Variants in CPPED1 observed in about 807,000 individuals in gnomAD.
CPPED1 encodes the protein calcineurin like phosphoesterase domain containing 1.
A neutral mutation model predicts 28.0 loss-of-function variants in CPPED1; 28 were observed. The observed-to-expected ratio is 1.00, with a 90% CI of 0.74 to 1.37. The LOEUF (loss-of-function observed/expected upper bound fraction) is 1.37, where lower values mean the gene tolerates loss of function less well. Among genes scored for constraint, CPPED1 ranks in the 40% most tolerant of loss-of-function variants. CPPED1 has a pLI of 0.00. For synonymous variants in CPPED1, 198 were observed against 180.2 expected, an observed-to-expected ratio of 1.10 and a Z score of -0.79; for missense variants, 504 against 416.5, an observed-to-expected ratio of 1.21 and a Z score of -1.83.
intron 1 of CPPED1, among the ~76,000 whole-genome samples, chr16:12,796,933 C>A (rs144667639): frequency 1.3e-5 from 2 of 152,062 alleles, no homozygotes; most frequent in Non-Finnish European, 2.9e-5. Flanking sequence ...TAAAAAGGAA[C>A]AAAGTATTGG....
chr16:12,679,296 T>C (rs1245668246), intron 3 of CPPED1, among the ~76,000 whole-genome samples: 1 of 152,234 alleles, frequency 6.6e-6, no homozygotes, highest in Admixed American at 6.5e-5. Flanking sequence ...GATATTCTTT[T>C]TACTATTCCT....
intron 3 of CPPED1, among the ~76,000 whole-genome samples, chr16:12,667,263 A>T (rs1254074792): frequency 6.6e-6 from 1 of 152,234 alleles, no homozygotes; most frequent in Non-Finnish European, 1.5e-5. Flanking sequence ...GATGAAATTA[A>T]TTATTTAAGA....
rs2079814077 is a variant in CPPED1, at chr16:12,664,538, G to C, written c.*348C>G. ...TACTTGGCTGTCAGATTGGAATTGAGGTCGATAGGCAGACTTTGACCATAT... is the reference window on the plus strand; with the variant it reads ...TACTTGGCTGTCAGATTGGAATTGACGTCGATAGGCAGACTTTGACCATAT... On this transcript the variant is annotated 3_prime_UTR_variant, in exon 4 of 4. Coordinates refer to ENST00000381774, the MANE Select transcript of CPPED1 (RefSeq NM_018340.3). The surrounding 1 kb of genome is among the most constrained non-coding windows in gnomAD (Gnocchi z 4.2). The C allele has an allele frequency of 6.5e-6, 7 of 1,082,260 alleles. No homozygotes were observed. Among genetic ancestry groups the C allele is most frequent in the Non-Finnish European group, 7.8e-6 (7 of 892,074 alleles). 67.0% of individuals were successfully genotyped at this position (1,082,260 alleles called of 1,614,324 possible). A position where few individuals can be genotyped will look rare whatever the true frequency, so the allele number is the denominator to read the frequency against.
At chr16:12,752,951 G>A (rs528325253) in intron 2 of CPPED1, 12 of 150,572 alleles carry the variant, frequency 8.0e-5, no homozygotes, top group Non-Finnish European at 1.8e-4. Context: ...ATCTATTTCC[G>A]CCTCTCTAGC....
intron 2 of CPPED1, among the ~76,000 whole-genome samples, chr16:12,717,833 G>C (rs2080115601): frequency 6.6e-6 from 1 of 151,878 alleles, no homozygotes; most frequent in African/African-American, 2.4e-5. Context: ...GTAGAGGCAG[G>C]GTTTCACCAT....
intron 1 of CPPED1, among the ~76,000 whole-genome samples, chr16:12,793,379 T>C (rs2080608062): frequency 1.3e-5 from 2 of 152,102 alleles, no homozygotes; most frequent in South Asian, 4.1e-4. Flanking sequence ...GAGGCGGGGA[T>C]AGACCATGCT....
At chr16:12,778,110 A>G (rs2141236863) in intron 2 of CPPED1, among the ~76,000 whole-genome samples, 1 of 151,816 alleles carries the variant, frequency 6.6e-6, no homozygotes, top group South Asian at 2.1e-4. Flanking sequence ...GGGTTTCACC[A>G]TGTTGGCCAG....
At chr16:12,688,330 A>ATT (rs762320027) in intron 3 of CPPED1, among the ~76,000 whole-genome samples, 1,792 of 130,374 alleles carry the variant, frequency 0.014, 44 homozygotes, top group African/African-American at 0.05. Context: ...CTACTCCAGG[A>ATT]TTTTTTTTTT....
chr16:12,729,958 CTCA>C (rs1221977605), intron 2 of CPPED1, among the ~76,000 whole-genome samples: 3 of 152,096 alleles, frequency 2.0e-5, no homozygotes, highest in African/African-American at 7.2e-5. Context: ...ACCTCCTGGG[CTCA>C]AGTTATCCTC....
intron 2 of CPPED1, among the ~76,000 whole-genome samples, chr16:12,754,642 G>C (rs2080353022): frequency 1.3e-5 from 2 of 151,884 alleles, no homozygotes; most frequent in African/African-American, 4.8e-5. Flanking sequence ...GACAGGCAGA[G>C]GCCAAAAGGG....
chr16:12,761,011 C>T (rs9922426), intron 2 of CPPED1: 2,616 of 149,124 alleles, frequency 0.018, 82 homozygotes, highest in African/African-American at 0.065. Flanking sequence ...GTGAGGAACA[C>T]CTGTCTTCTT....
intron 3 of CPPED1, among the ~76,000 whole-genome samples, chr16:12,698,145 C>T (rs115777335): frequency 0.013 from 1,992 of 152,136 alleles, 46 homozygotes; most frequent in African/African-American, 0.045. Context: ...TCATGAAAAC[C>T]AACTCACAAG....
intron 3 of CPPED1, among the ~76,000 whole-genome samples, chr16:12,668,426 T>C (rs1451256154): frequency 2.6e-5 from 4 of 152,212 alleles, no homozygotes; most frequent in Non-Finnish European, 4.4e-5. Flanking sequence ...AATAACCTGA[T>C]ACTTTGCAAG....
intron 3 of CPPED1, among the ~76,000 whole-genome samples, chr16:12,697,362 T>C (rs2079996969): frequency 8.0e-6 from 1 of 124,952 alleles, no homozygotes; most frequent in Non-Finnish European, 1.6e-5. Context: ...ACATGCACCA[T>C]GGACCCTCTT....
At chr16:12,722,042 A>G (rs1384771534) in intron 2 of CPPED1, among the ~76,000 whole-genome samples, 1 of 152,200 alleles carries the variant, frequency 6.6e-6, no homozygotes, top group Non-Finnish European at 1.5e-5. Flanking sequence ...ACAAGAAAAG[A>G]TGCTGCTTAG....
At chr16:12,704,416 C>T (rs2080036389) in intron 3 of CPPED1, among the ~76,000 whole-genome samples, 2 of 152,192 alleles carry the variant, frequency 1.3e-5, no homozygotes, top group African/African-American at 4.8e-5. Context: ...GCTACTATTA[C>T]TATTCCTGTT....
At chr16:12,773,064 C>G (rs538732015) in intron 2 of CPPED1, among the ~76,000 whole-genome samples, 6 of 152,286 alleles carry the variant, frequency 3.9e-5, no homozygotes, top group Admixed American at 3.9e-4. Context: ...TCTTAGTTTT[C>G]AGAGCTTTCT....
At chr16:12,715,419 G>C (rs548602067) in intron 2 of CPPED1, among the ~76,000 whole-genome samples, 19 of 152,104 alleles carry the variant, frequency 1.2e-4, no homozygotes, top group Non-Finnish European at 2.2e-4. Flanking sequence ...CAGCACTCTG[G>C]GAGGCTGAGG....
intron 2 of CPPED1, among the ~76,000 whole-genome samples, chr16:12,775,880 A>G (rs948877943): frequency 2.0e-5 from 3 of 152,216 alleles, no homozygotes; most frequent in African/African-American, 4.8e-5. Context: ...TAATGAGTAG[A>G]TAAGATAGTA....
Sources: gnomAD v4.1 joint callset for allele counts (sites outside exome capture counted in the v4.1 genomes callset) on GRCh38, gnomAD v4.1.1 for gene constraint, Gnocchi (gnomAD v3.1) non-coding constraint, MANE v1.5 for transcripts, NCBI Gene and HGNC (gene_info 2026-07-23, HGNC 2026-07-21) for gene names.